METTL15: variants seen among roughly 807,000 people sequenced by gnomAD.
The protein encoded by METTL15 is methyltransferase 15, mitochondrial 12S rRNA N4-cytidine, also known as 12S rRNA N(4)-cytidine methyltransferase METTL15.
A neutral mutation model predicts 38.3 loss-of-function variants in METTL15; 34 were observed. The observed-to-expected ratio is 0.89, with a 90% CI of 0.68 to 1.18. The LOEUF is 1.18. Ranked by LOEUF, METTL15 falls within the 50% of genes most tolerant of loss-of-function variation. The pLI is 0.00. For missense variants in METTL15, 438 were observed against 498.4 expected (o/e 0.88, Z 1.15); for synonymous variants, 162 against 170.9 (o/e 0.95, Z 0.41).
At chr11:28,427,902 C>T (rs575599085) in intron 6 of METTL15, among the ~76,000 whole-genome samples, 139 of 152,208 alleles carry the variant, frequency 9.1e-4, no homozygotes, top group Admixed American at 1.6e-3. Flanking sequence ...ATTAGAATAC[C>T]TTTATTTCTT....
At chr11:28,183,522 GTTTTT>G (rs1206198051) in intron 3 of METTL15, among the ~76,000 whole-genome samples, 1 of 151,916 alleles carries the variant, frequency 6.6e-6, no homozygotes, top group African/African-American at 2.4e-5. Flanking sequence ...TAATCGTTTG[GTTTTT>G]GTCATTGGTT....
At chr11:28,238,115 G>C (rs1854101339) in intron 4 of METTL15, among the ~76,000 whole-genome samples, 1 of 152,220 alleles carries the variant, frequency 6.6e-6, no homozygotes, top group Admixed American at 6.5e-5. Flanking sequence ...TGTGCTGGGA[G>C]AACCACTGCT....
At chr11:28,172,604 G>T (rs1022281833) in intron 3 of METTL15, among the ~76,000 whole-genome samples, 1 of 151,914 alleles carries the variant, frequency 6.6e-6, no homozygotes, top group African/African-American at 2.4e-5. Context: ...GTTTTACATT[G>T]TGTCCTCACA....
chr11:28,215,547 A>G (rs1590170556), intron 4 of METTL15, among the ~76,000 whole-genome samples: 1 of 152,224 alleles, frequency 6.6e-6, no homozygotes, highest in East Asian at 1.9e-4. Context: ...GAGCCCCAAC[A>G]GTACCTAGAA....
intron 5 of METTL15, among the ~76,000 whole-genome samples, chr11:28,392,089 A>C (rs535713068): frequency 6.6e-6 from 1 of 152,292 alleles, no homozygotes; most frequent in African/African-American, 2.4e-5. Context: ...AATATCCAGA[A>C]TCTACTATGA....
chr11:28,430,950 G>A (rs1850920612), intron 6 of METTL15, among the ~76,000 whole-genome samples: 1 of 103,516 alleles, frequency 9.7e-6, no homozygotes, highest in African/African-American at 3.3e-5. Flanking sequence ...GGGAGGTGAG[G>A]GGCGCCTCTG....
At chr11:28,124,946 A>G (rs1028839856) in intron 3 of METTL15, among the ~76,000 whole-genome samples, 8 of 152,142 alleles carry the variant, frequency 5.3e-5, no homozygotes, top group Non-Finnish European at 4.4e-5. Flanking sequence ...ATTTTTTAGT[A>G]GAAAAACTTG....
At chr11:28,501,587 T>A (rs1314705765) in intron 6 of METTL15, among the ~76,000 whole-genome samples, 1 of 152,142 alleles carries the variant, frequency 6.6e-6, no homozygotes, top group Non-Finnish European at 1.5e-5. Flanking sequence ...GCTTTCAGCA[T>A]CATCTACAGC....
chr11:28,320,183 T>G (rs901398708), intron 6 of METTL15, among the ~76,000 whole-genome samples: 1 of 788 alleles, frequency 1.3e-3, no homozygotes, highest in Non-Finnish European at 2.7e-3. Flanking sequence ...AATAAATAGT[T>G]TTTTTTTTTT....
chr11:28,321,134 A>G (rs996651695), intron 6 of METTL15, among the ~76,000 whole-genome samples: 2 of 152,146 alleles, frequency 1.3e-5, no homozygotes, highest in Non-Finnish European at 2.9e-5. Context: ...TACCTACTCC[A>G]TTTTACAACT....
chr11:28,326,339 A>G lies in METTL15; in HGVS notation c.779-4057A>G, dbSNP rs1849633920. 2.6e-5 allele frequency among the ~76,000 whole-genome samples: 4 copies of G among 151,590 alleles called. No homozygotes were observed. In the South Asian group the frequency reaches 8.3e-4, roughly 32 times the overall value. On this transcript the variant is annotated intron_variant, in intron 6 of 6. Coordinates refer to ENST00000407364, the MANE Select transcript of METTL15 (RefSeq NM_001113528.2). ...ATTAAATCAGGAGCCAGCTGTTCTT[A>G]CCTAGTTTGTGCATTCCTAAGATAA...
At chr11:28,254,795 G>GA (rs1036768845) in intron 4 of METTL15, among the ~76,000 whole-genome samples, 106 of 152,212 alleles carry the variant, frequency 7.0e-4, no homozygotes, top group African/African-American at 2.4e-3. Flanking sequence ...TTGATGTATA[G>GA]ATTTTTTTCT....
intron 3 of METTL15, among the ~76,000 whole-genome samples, chr11:28,190,424 A>G (rs1240114231): frequency 2.0e-5 from 3 of 151,250 alleles, no homozygotes; most frequent in Non-Finnish European, 1.5e-5. Context: ...TAAATGAGTT[A>G]TTTCAAGACT....
chr11:28,442,466 AT>A (rs368378381), intron 6 of METTL15, among the ~76,000 whole-genome samples: 150 of 152,244 alleles, frequency 9.9e-4, no homozygotes, highest in African/African-American at 1.9e-3. Context: ...CATGAGTGGC[AT>A]ATGATAGACA....
At chr11:28,271,454 C>T (rs1023748226) in intron 4 of METTL15, among the ~76,000 whole-genome samples, 3 of 152,070 alleles carry the variant, frequency 2.0e-5, no homozygotes, top group Non-Finnish European at 4.4e-5. Context: ...TATTCTCAAC[C>T]ACACAATAAA....
intron 3 of METTL15, among the ~76,000 whole-genome samples, chr11:28,207,675 GA>G (rs1852415261): frequency 6.6e-6 from 1 of 152,142 alleles, no homozygotes; most frequent in Admixed American, 6.5e-5. Flanking sequence ...AATAGTTTCA[GA>G]AGGAATGGTA....
At chr11:28,162,778 T>C (rs1850513351) in intron 3 of METTL15, among the ~76,000 whole-genome samples, 1 of 152,114 alleles carries the variant, frequency 6.6e-6, no homozygotes, top group South Asian at 2.1e-4. Context: ...ATATAATAAG[T>C]ACTGATTATC....
At chr11:28,320,848 T>G (rs896577657) in intron 6 of METTL15, among the ~76,000 whole-genome samples, 1 of 152,154 alleles carries the variant, frequency 6.6e-6, no homozygotes, top group African/African-American at 2.4e-5. Flanking sequence ...AAAGACAATT[T>G]TTTTCATACT....
At chr11:28,233,090 T>C (rs1008561447) in intron 4 of METTL15, among the ~76,000 whole-genome samples, 1 of 152,080 alleles carries the variant, frequency 6.6e-6, no homozygotes, top group Non-Finnish European at 1.5e-5. Flanking sequence ...CATTAAGGAA[T>C]CACATCTAAT....
Sources: gnomAD v4.1 joint callset for allele counts (sites outside exome capture counted in the v4.1 genomes callset) on GRCh38, gnomAD v4.1.1 for gene constraint, MANE v1.5 for transcripts, NCBI Gene and HGNC (gene_info 2026-07-23, HGNC 2026-07-21) for gene names.